Variants in LRTM3 observed in about 807,000 individuals in gnomAD.
The protein encoded by LRTM3 is leucine rich repeat transmembrane protein 3.
At chr13:102,739,711 C>T in the LRTM3 span, 1 of 1,549,786 alleles carries the variant, frequency 6.5e-7, no homozygotes, top group Non-Finnish European at 8.7e-7. Context: ...CTCTATCATT[C>T]TTTCCCTGTG....
chr13:102,741,432 A>G, the LRTM3 span: 33 of 1,550,136 alleles, frequency 2.1e-5, no homozygotes, highest in African/African-American at 3.8e-4. Flanking sequence ...GAATTTGTAC[A>G]AAGAAATTTC....
chr13:102,739,891 C>G, the LRTM3 span: 1 of 1,550,240 alleles, frequency 6.5e-7, no homozygotes, highest in Non-Finnish European at 8.7e-7. Context: ...TCATGTTCCA[C>G]TGCATTTCTA....
At chr13:102,744,643 G>C in the LRTM3 span, 3 of 1,550,818 alleles carry the variant, frequency 1.9e-6, no homozygotes, top group Admixed American at 3.9e-5. Context: ...ATCCTGATTT[G>C]CAAGGGTCAG....
the LRTM3 span, chr13:102,747,842 G>C: frequency 6.4e-7 from 1 of 1,551,206 alleles, no homozygotes; most frequent in Middle Eastern, 1.7e-4. Context: ...CTCTTTATTT[G>C]GGGCTTTACT....
the LRTM3 span, among the ~76,000 whole-genome samples, chr13:102,753,772 T>G: frequency 6.6e-6 from 1 of 152,190 alleles, no homozygotes; most frequent in Non-Finnish European, 1.5e-5. Context: ...ATTCTTCAAC[T>G]AAGACAAAAT....
chr13:102,742,096 T>A, the LRTM3 span: 1 of 1,550,394 alleles, frequency 6.4e-7, no homozygotes, highest in Non-Finnish European at 8.7e-7. Flanking sequence ...CCATTTTTAC[T>A]TCTGTAAGCT....
chr13:102,739,057 T>C, the LRTM3 span: 2 of 1,550,552 alleles, frequency 1.3e-6, no homozygotes, highest in South Asian at 2.4e-5. Context: ...AAAGACAGAA[T>C]CTTGTTATTC....
chr13:102,755,961 AT>A, the LRTM3 span, among the ~76,000 whole-genome samples: 6 of 53,380 alleles, frequency 1.1e-4, no homozygotes, highest in African/African-American at 2.4e-4. Context: ...ATATATATAT[AT>A]TTTTTTTTTT....
At chr13:102,731,329 A>G in the LRTM3 span, 7 of 1,551,424 alleles carry the variant, frequency 4.5e-6, no homozygotes, top group South Asian at 5.9e-5. Flanking sequence ...AGAACCTCCA[A>G]CTGTTATCTT....
chr13:102,744,023 A>G, the LRTM3 span: 5 of 1,550,240 alleles, frequency 3.2e-6, no homozygotes, highest in Non-Finnish European at 4.4e-6. Context: ...TGTATTGTAT[A>G]AGAGTTTATC....
the LRTM3 span, chr13:102,734,252 T>C: frequency 1.9e-6 from 3 of 1,551,434 alleles, no homozygotes; most frequent in Non-Finnish European, 2.6e-6. Context: ...TTTTCTTACA[T>C]CACCACTCCT....
the LRTM3 span, chr13:102,739,397 C>T: frequency 9.0e-6 from 14 of 1,550,440 alleles, no homozygotes; most frequent in South Asian, 1.2e-4. Flanking sequence ...AGATGATACT[C>T]TTCTGGCATT....
chr13:102,758,699 T>C, the LRTM3 span: 25 of 1,535,936 alleles, frequency 1.6e-5, no homozygotes, highest in Admixed American at 5.1e-4. Context: ...CATTTATTCT[T>C]ACCTCCTGGA....
the LRTM3 span, chr13:102,749,793 G>T: frequency 3.9e-6 from 6 of 1,551,222 alleles, no homozygotes; most frequent in African/African-American, 1.4e-5. Flanking sequence ...AAAGCATTTT[G>T]TCCTGGAAAA....
At chr13:102,743,661 C>T in the LRTM3 span, 1 of 1,550,142 alleles carries the variant, frequency 6.5e-7, no homozygotes, top group Non-Finnish European at 8.7e-7. Flanking sequence ...TCTTCCTCTT[C>T]CTCTGTAATA....
the LRTM3 span, chr13:102,731,665 A>C: frequency 6.4e-7 from 1 of 1,551,444 alleles, no homozygotes; most frequent in Middle Eastern, 1.7e-4. Flanking sequence ...TGGTTGCTTC[A>C]CAAATGGGAA....
At chr13:102,744,139 G>A in the LRTM3 span, 6 of 1,550,436 alleles carry the variant, frequency 3.9e-6, no homozygotes, top group South Asian at 1.2e-5. Context: ...ACTTAAAACG[G>A]TGTTGCTTTT....
the LRTM3 span, chr13:102,737,802 C>G: frequency 6.4e-7 from 1 of 1,550,816 alleles, no homozygotes; most frequent in Non-Finnish European, 8.7e-7. Flanking sequence ...TGTAAAATAC[C>G]AGGTCTGATT....
At chr13:102,757,419 C>G in the LRTM3 span, among the ~76,000 whole-genome samples, 1 of 152,150 alleles carries the variant, frequency 6.6e-6, no homozygotes, top group Non-Finnish European at 1.5e-5. Context: ...GTGTAACCAC[C>G]AGTAGTGGTT....
Sources: gnomAD v4.1 joint callset for allele counts (sites outside exome capture counted in the v4.1 genomes callset) on GRCh38, gnomAD v4.1.1 for gene constraint, MANE v1.5 for transcripts, NCBI Gene and HGNC (gene_info 2026-07-23, HGNC 2026-07-21) for gene names.